Variants in CACNB4 observed in about 807,000 individuals in gnomAD.
CACNB4 encodes the protein voltage-dependent L-type calcium channel subunit beta-4.
Under a neutral mutation model 71.2 loss-of-function variants are expected in CACNB4, and 32 were observed. The observed-to-expected ratio is 0.45, with a 90% CI of 0.34 to 0.60. CACNB4 has a LOEUF of 0.60. CACNB4 is among the 20% of genes least tolerant of loss of function. CACNB4 has a pLI of 0.01. For synonymous variants in CACNB4, 231 were observed against 236.9 expected (o/e 0.97, Z 0.23); for missense variants, 464 against 647.9 (o/e 0.72, Z 3.08).
chr2:151,876,229 A>G (rs2099846208), intron 5 of CACNB4, among the ~76,000 whole-genome samples, 197 bp downstream of exon 5: 1 of 152,106 alleles, frequency 6.6e-6, no homozygotes, highest in Non-Finnish European at 1.5e-5. Context: ...AGTCTCTGCC[A>G]TGGAATTCAT....
rs1190362608 is a variant in CACNB4 at position 151,839,049 on chromosome 2, A to G, written c.*70T>C. 5.1e-6 allele frequency: 7 copies of G among 1,372,150 alleles called. No homozygotes were observed. In the African/African-American group the frequency reaches 1.0e-4, roughly 20 times the overall value. The allele number at this position is 1,372,150 out of a possible 1,614,324, so 85.0% of individuals were successfully genotyped here. On this transcript the variant is annotated 3_prime_UTR_variant, in exon 14 of 14. Transcript: ENST00000539935. ...ATACTGTGCTATGTTAGCCAAGTTA[A>G]GATGATTGGTTTATCCTAGCACTGC...
At chr2:151,883,901 C>T (rs2099848601) in intron 2 of CACNB4, 1 of 199,894 alleles carries the variant, frequency 5.0e-6, no homozygotes, top group African/African-American at 2.4e-5. Context: ...CAATCATTGT[C>T]CTGCAGCAGC....
Position 151,874,754 on chromosome 2 carries a change from A to C in CACNB4, c.521+1672T>G, listed in dbSNP as rs186177086. On this transcript the variant is annotated intron_variant, in intron 5 of 13. Coordinates refer to ENST00000539935, the MANE Select transcript of CACNB4 (RefSeq NM_000726.5). Reference sequence around the variant, plus strand: ...TATTTTAGAACTTTCAAAAAAGTGTAACATATCAAATCAATGCTTCAGTGC... The same window carrying C: ...TATTTTAGAACTTTCAAAAAAGTGTCACATATCAAATCAATGCTTCAGTGC... Among the ~76,000 whole-genome samples the C allele has an allele frequency of 1.8e-4, 27 of 152,330 alleles. 1 individual carries two copies. The East Asian group carries it at 5.0e-3, about 28-fold the overall frequency.
chr2:151,934,971 A>G (rs2099862569), intron 2 of CACNB4, among the ~76,000 whole-genome samples: 2 of 152,244 alleles, frequency 1.3e-5, no homozygotes, highest in South Asian at 2.1e-4. Context: ...TATGCCACAC[A>G]TATTTGCTTC....
At chr2:151,931,944 T>C (rs1015831487) in intron 2 of CACNB4, among the ~76,000 whole-genome samples, 10 of 152,284 alleles carry the variant, frequency 6.6e-5, no homozygotes, top group African/African-American at 9.6e-5. Context: ...AAGCTAAGTA[T>C]GAATATGACA....
intron 2 of CACNB4, among the ~76,000 whole-genome samples, chr2:152,042,832 A>C (rs1044754327): frequency 1.3e-5 from 2 of 152,204 alleles, no homozygotes; most frequent in Non-Finnish European, 2.9e-5. Context: ...AGGGTAAGAC[A>C]GGAGGTCGGC....
At chr2:151,906,102 A>G (rs2099854745) in intron 2 of CACNB4, among the ~76,000 whole-genome samples, 1 of 152,190 alleles carries the variant, frequency 6.6e-6, no homozygotes, top group African/African-American at 2.4e-5. Context: ...CTGCAATGAA[A>G]CCAGAATGTA....
At chr2:152,017,037 A>G (rs1346181377) in intron 2 of CACNB4, among the ~76,000 whole-genome samples, 1 of 139,786 alleles carries the variant, frequency 7.2e-6, no homozygotes, top group Non-Finnish European at 1.5e-5. Context: ...TGCACTTTTA[A>G]CCACTAGGCT....
chr2:151,910,445 TTA>T (rs2099855905), intron 2 of CACNB4, among the ~76,000 whole-genome samples: 1 of 152,212 alleles, frequency 6.6e-6, no homozygotes, highest in African/African-American at 2.4e-5. Flanking sequence ...GGTTTTACAT[TTA>T]TGTCTTTAAT....
At chr2:151,972,369 G>C (rs1048397757) in intron 2 of CACNB4, 2 of 152,226 alleles carry the variant, frequency 1.3e-5, no homozygotes, top group African/African-American at 2.4e-5. Flanking sequence ...CAGGCCTTCT[G>C]AAGAAACCAG....
chr2:151,872,006 C>T (rs949278892), intron 6 of CACNB4: 3 of 213,242 alleles, frequency 1.4e-5, no homozygotes, highest in Non-Finnish European at 2.8e-5. Context: ...CCTTCCAGCT[C>T]GGGCTGTACT....
rs1335305503 is a variant in CACNB4 at position 151,973,723 on chromosome 2, A to T, written c.148-90353T>A. 6 of 1,612,958 alleles carry T rather than the reference A, an allele frequency of 3.7e-6. No homozygotes were observed. In the East Asian group the frequency reaches 1.1e-4, roughly 30 times the overall value. ...ACAAATTGTCATACATGGAGGTGTGATAATCCAGAGCACCTCTTTCAAGGC... is the reference window on the plus strand; with the variant it reads ...ACAAATTGTCATACATGGAGGTGTGTTAATCCAGAGCACCTCTTTCAAGGC... On this transcript the variant is annotated intron_variant, in intron 2 of 13. Coordinates refer to ENST00000539935, the MANE Select transcript of CACNB4 (RefSeq NM_000726.5).
intron 2 of CACNB4, among the ~76,000 whole-genome samples, chr2:152,017,017 C>G (rs1683384806): frequency 6.6e-6 from 1 of 150,462 alleles, no homozygotes. Flanking sequence ...AGGTGTTGCT[C>G]TTTAGAGTTT....
intron 2 of CACNB4, among the ~76,000 whole-genome samples, chr2:152,066,088 G>A (rs560662793): frequency 2.3e-4 from 35 of 152,220 alleles, no homozygotes; most frequent in East Asian, 1.2e-3. Flanking sequence ...CAAGTACTTC[G>A]CAACCTCTCA....
At chr2:152,021,095 C>T (rs1683638832) in intron 2 of CACNB4, among the ~76,000 whole-genome samples, 1 of 151,984 alleles carries the variant, frequency 6.6e-6, no homozygotes. Context: ...TACTAAAATA[C>T]ACCACACCAG....
intron 2 of CACNB4, among the ~76,000 whole-genome samples, chr2:152,076,798 C>T (rs1687056733): frequency 6.6e-6 from 1 of 152,212 alleles, no homozygotes; most frequent in Non-Finnish European, 1.5e-5. Context: ...TTCCTGATGC[C>T]TATTCTGTCA....
At position 151,844,585 on chromosome 2, in the gene CACNB4, C is replaced by T. The variant is rs1180062979; in HGVS notation, c.1117-2497G>A. 2.0e-5 allele frequency among the ~76,000 whole-genome samples: 3 copies of T among 152,134 alleles called. No homozygotes were observed. The East Asian group carries it at 5.8e-4, about 29-fold the overall frequency. On this transcript the variant is annotated intron_variant, in intron 12 of 13. Coordinates refer to ENST00000539935, the MANE Select transcript of CACNB4 (RefSeq NM_000726.5). Reference sequence around the variant, plus strand: ...ATTCCTTGTCTCTTGCAATCAAAAGCCCCTCCCCAACTCATGTAAAAGTTC... The same window carrying T: ...ATTCCTTGTCTCTTGCAATCAAAAGTCCCTCCCCAACTCATGTAAAAGTTC...
intron 2 of CACNB4, among the ~76,000 whole-genome samples, chr2:152,086,958 C>T (rs1020873631): frequency 2.0e-5 from 3 of 152,070 alleles, no homozygotes; most frequent in African/African-American, 7.2e-5. Context: ...TGGAGAAACC[C>T]ACATCTCTAC....
intron 2 of CACNB4, among the ~76,000 whole-genome samples, chr2:152,018,806 A>AACACACACACAC (rs10600477): frequency 0.017 from 2,537 of 146,628 alleles, 25 homozygotes; most frequent in East Asian, 0.046. Flanking sequence ...CCTGTCTCAA[A>AACACACACACAC]ACACACACAC....
Sources: allele counts gnomAD v4.1 joint callset (sites outside exome capture counted in the v4.1 genomes callset), GRCh38; gene constraint gnomAD v4.1.1; transcripts MANE v1.5; gene names NCBI Gene and HGNC (gene_info 2026-07-23, HGNC 2026-07-21).